Variants in CMIP observed in about 807,000 individuals in gnomAD.
CMIP encodes C-Maf-inducing protein.
CMIP carries 13 observed loss-of-function variants against 97.3 expected under a neutral mutation model. The observed-to-expected ratio is 0.13, with a 90% CI of 0.09 to 0.21. The LOEUF (loss-of-function observed/expected upper bound fraction) is 0.21. Among genes scored for constraint, CMIP ranks in the 10% least tolerant of loss-of-function variants. The probability of loss-of-function intolerance (pLI) is 1.00; values close to 1 mark genes in which losing one functional copy is unlikely to be tolerated. For synonymous variants in CMIP, 538 were observed against 436.3 expected (o/e 1.23, Z -2.91); for missense variants, 847 against 1,024.9 (o/e 0.83, Z 2.37).
intron 1 of CMIP, among the ~76,000 whole-genome samples, chr16:81,558,392 G>A (rs974975190): frequency 2.6e-5 from 4 of 152,210 alleles, no homozygotes; most frequent in African/African-American, 9.6e-5. Flanking sequence ...GTCTGTACCT[G>A]GAAATGGAAC....
chr16:81,659,352 G>T (rs11860914), intron 5 of CMIP, among the ~76,000 whole-genome samples: 3 of 151,956 alleles, frequency 2.0e-5, no homozygotes, highest in African/African-American at 7.2e-5. Flanking sequence ...GCTGAGGTTT[G>T]TTCTGGGTGT....
At chr16:81,612,998 C>T (rs2091856641) in intron 2 of CMIP, among the ~76,000 whole-genome samples, 1 of 152,210 alleles carries the variant, frequency 6.6e-6, no homozygotes, top group African/African-American at 2.4e-5. Flanking sequence ...CCAGCTGGAA[C>T]GCAGCCTGGT....
chr16:81,454,990 T>TA (rs1464976530), intron 1 of CMIP, among the ~76,000 whole-genome samples: 15 of 152,272 alleles, frequency 9.9e-5, no homozygotes, highest in Non-Finnish European at 1.9e-4. Context: ...GTGCAGTTTT[T>TA]ATGGGGTGGA....
chr16:81,671,263 G>A (rs146020508), intron 8 of CMIP, among the ~76,000 whole-genome samples: 10 of 152,318 alleles, frequency 6.6e-5, no homozygotes, highest in South Asian at 2.1e-4. Context: ...TGCCAGAACC[G>A]TGGTGACACC....
At chr16:81,671,900 C>G in intron 8 of CMIP, 66 bp from the exon 9 acceptor site, 1 of 787,518 alleles carries the variant, frequency 1.3e-6, no homozygotes, top group South Asian at 1.6e-5. Flanking sequence ...CTCCCTTTCC[C>G]CCCTTACCCT....
chr16:81,450,150 C>T lies in CMIP; in HGVS notation c.300+4609C>T. Among the ~76,000 whole-genome samples, 2 of 152,216 alleles carry T rather than the reference C, an allele frequency of 1.3e-5. 1 individual carries two copies. The highest frequency in any genetic ancestry group is 3.8e-4 in the East Asian group (2 of 5,198). On this transcript the variant is annotated intron_variant, in intron 1 of 20. Coordinates refer to ENST00000537098, the MANE Select transcript of CMIP (RefSeq NM_198390.3). ...CAGGGGGACCTGGTAGAAGGCAAAGCTGTCCCAGGGTACCTCAACTGCTGC... is the reference window on the plus strand; with the variant it reads ...CAGGGGGACCTGGTAGAAGGCAAAGTTGTCCCAGGGTACCTCAACTGCTGC...
chr16:81,502,198 C>T (rs891279956), intron 1 of CMIP, among the ~76,000 whole-genome samples: 3 of 152,144 alleles, frequency 2.0e-5, no homozygotes, highest in South Asian at 2.1e-4. Flanking sequence ...AGTCTGGACC[C>T]GGGACCTGGG....
rs574291457 is a variant in CMIP, at chr16:81,664,256, A to C, written c.745-13A>C. ...CTTAGGGCCGCAGTAACTGTACCCC[A>C]CTCTGTCCCCAGCACTGCAGAGAGC... is the stretch of plus-strand genomic sequence containing the variant. On this transcript the variant is annotated splice_polypyrimidine_tract_variant and intron_variant, in intron 6 of 20. Coordinates refer to ENST00000537098, the MANE Select transcript of CMIP (RefSeq NM_198390.3). The C allele has an allele frequency of 6.3e-7, 1 of 1,589,294 alleles. No individual in the cohort carries two copies. Among genetic ancestry groups the C allele is most frequent in the South Asian group, 1.2e-5 (1 of 86,574 alleles).
chr16:81,520,591 A>AGAGAGAGAGAGAGAGAGAGAGAGAGAGAG (rs1395461134), intron 1 of CMIP: 1 of 150,980 alleles, frequency 6.6e-6, no homozygotes, highest in Non-Finnish European at 1.5e-5. Flanking sequence ...AGAGAGAGAG[A>AGAGAGAGAGAGAGAGAGAGAGAGAGAGAG]GAGAGAGAGA....
intron 1 of CMIP, among the ~76,000 whole-genome samples, chr16:81,583,112 G>T (rs1018127558): frequency 6.6e-6 from 1 of 152,254 alleles, no homozygotes; most frequent in African/African-American, 2.4e-5. Context: ...AGCTCTGGCT[G>T]GCATTGCCTC....
intron 7 of CMIP, chr16:81,665,482 T>C (rs3935338): frequency 0.64 from 96,512 of 151,872 alleles, 31,268 homozygotes; most frequent in African/African-American, 0.76. Flanking sequence ...CCCAGAGAGG[T>C]GGGACGGGAT....
At chr16:81,516,333 C>T (rs918630759) in intron 1 of CMIP, among the ~76,000 whole-genome samples, 2 of 152,202 alleles carry the variant, frequency 1.3e-5, no homozygotes, top group African/African-American at 2.4e-5. Flanking sequence ...CCGTTTTAAA[C>T]GTTCTTCTAG....
intron 1 of CMIP, among the ~76,000 whole-genome samples, chr16:81,597,897 C>T (rs1452837401): frequency 6.6e-6 from 1 of 152,048 alleles, no homozygotes; most frequent in Non-Finnish European, 1.5e-5. Context: ...AGCCGTGTCC[C>T]TCTCCATCAC....
At chr16:81,539,795 A>T (rs1214598569) in intron 1 of CMIP, among the ~76,000 whole-genome samples, 1 of 152,146 alleles carries the variant, frequency 6.6e-6, no homozygotes, top group Non-Finnish European at 1.5e-5. Flanking sequence ...ACCTTCCATG[A>T]CCATTCCCCC....
chr16:81,633,822 A>C (rs1029176908), intron 3 of CMIP, among the ~76,000 whole-genome samples: 1 of 152,204 alleles, frequency 6.6e-6, no homozygotes, highest in South Asian at 2.1e-4. Context: ...CCAGGAGTAC[A>C]AGGACCTTAG....
intron 3 of CMIP, among the ~76,000 whole-genome samples, chr16:81,632,203 A>G (rs1052239272): frequency 2.6e-5 from 4 of 152,156 alleles, no homozygotes; most frequent in Non-Finnish European, 5.9e-5. Context: ...GTCCTGCCAG[A>G]TATCCCCTGC....
intron 4 of CMIP, among the ~76,000 whole-genome samples, chr16:81,654,533 T>G (rs1452492307): frequency 1.3e-5 from 2 of 152,202 alleles, no homozygotes; most frequent in Non-Finnish European, 2.9e-5. Flanking sequence ...GAGTCAGCAT[T>G]ACTCACCCTA....
At chr16:81,463,899 G>T (rs191258754) in intron 1 of CMIP, 2 of 152,342 alleles carry the variant, frequency 1.3e-5, no homozygotes, top group African/African-American at 4.8e-5. Context: ...TTCCACCTAA[G>T]GAAAAATGAA....
At chr16:81,698,907 T>C (rs528170478) in intron 14 of CMIP, among the ~76,000 whole-genome samples, 1 of 152,348 alleles carries the variant, frequency 6.6e-6, no homozygotes, top group East Asian at 1.9e-4. Flanking sequence ...ATCAGAACTT[T>C]TATAATGGCA....
Sources: allele counts gnomAD v4.1 joint callset (sites outside exome capture counted in the v4.1 genomes callset), GRCh38; gene constraint gnomAD v4.1.1; transcripts MANE v1.5; gene names NCBI Gene and HGNC (gene_info 2026-07-23, HGNC 2026-07-21).